PLOD3: variants seen among roughly 807,000 people sequenced by gnomAD.
PLOD3 encodes procollagen-lysine,2-oxoglutarate 5-dioxygenase 3.
PLOD3 carries 73 observed loss-of-function variants against 96.9 expected under a neutral mutation model. The ratio of observed to expected loss-of-function variants is 0.75; its 90% confidence interval spans 0.62 to 0.92. The LOEUF (loss-of-function observed/expected upper bound fraction) is 0.92. Among genes scored for constraint, PLOD3 ranks in the 40% least tolerant of loss-of-function variants. The pLI, the probability that PLOD3 is intolerant of heterozygous loss-of-function variation, is 0.00. For missense variants in PLOD3, 1,004 were observed against 1,004.3 expected (o/e 1.00, Z 0.00); for synonymous variants, 454 against 413.7 (o/e 1.10, Z -1.18).
intron 10 of PLOD3, 98 bp from the exon 11 acceptor site, chr7:101,212,048 T>A: frequency 9.6e-7 from 1 of 1,037,764 alleles, no homozygotes; most frequent in Non-Finnish European, 1.4e-6. Flanking sequence ...GGAGGCAGTG[T>A]CTATCCTTCC....
chr7:101,210,730 C>A, intron 12 of PLOD3, 57 bp from the exon 13 acceptor site: 8 of 1,603,512 alleles, frequency 5.0e-6, no homozygotes, highest in Non-Finnish European at 6.8e-6. Flanking sequence ...TTCTGCCCAG[C>A]TCATCCCGGG....
intron 15 of PLOD3, 97 bp downstream of exon 15, chr7:101,209,996 G>A (rs1291048537): frequency 1.5e-6 from 1 of 645,702 alleles, no homozygotes; most frequent in Non-Finnish European, 2.8e-6. Context: ...TCAGATCTCT[G>A]GGGAACTCAG....
intron 12 of PLOD3, 36 bp from the exon 13 acceptor site, chr7:101,210,709 A>G (rs2116800898): frequency 6.2e-7 from 1 of 1,611,548 alleles, no homozygotes; most frequent in Non-Finnish European, 8.5e-7. Flanking sequence ...CTGGGAGGAC[A>G]GCCCCCCAAA....
chr7:101,216,661 G>A lies in PLOD3; in HGVS notation c.201+34C>T, dbSNP rs145610393. 23 of 1,606,786 alleles carry A rather than the reference G, an allele frequency of 1.4e-5. No individual in the cohort carries two copies. The South Asian group carries it at 2.4e-4, about 17-fold the overall frequency. On this transcript the variant is annotated intron_variant, in intron 2 of 18. Coordinates refer to ENST00000223127, the MANE Select transcript of PLOD3 (RefSeq NM_001084.5). ...AGACTTCAGCCCACCCCTCCTGCTGGGACCCCCTCCCAGGGGCCTTTCCCT... is the reference window on the plus strand; with the variant it reads ...AGACTTCAGCCCACCCCTCCTGCTGAGACCCCCTCCCAGGGGCCTTTCCCT...
At chr7:101,213,889 G>C (rs567556040) in intron 6 of PLOD3, among the ~76,000 whole-genome samples, 1 of 151,984 alleles carries the variant, frequency 6.6e-6, no homozygotes. Context: ...AGTAGAGACA[G>C]GGTTTCACCA....
chr7:101,210,785 C>T (rs1798169781), intron 12 of PLOD3, 112 bp from the exon 13 acceptor site: 1 of 1,150,798 alleles, frequency 8.7e-7, no homozygotes, highest in Admixed American at 1.9e-5. Context: ...AACATAAGGC[C>T]CCTGCATGTC....
chr7:101,216,032 G>A lies in PLOD3; in HGVS notation c.503-12C>T, dbSNP rs777180483. The A allele has an allele frequency of 2.2e-5, 35 of 1,611,542 alleles. No individual in the cohort carries two copies. In the African/African-American group the frequency reaches 4.0e-4, roughly 18 times the overall value. On this transcript the variant is annotated splice_polypyrimidine_tract_variant and intron_variant, in intron 4 of 18. Transcript: ENST00000223127. ...AAAACCGATGAATCCTGGCGGGGAGGGGGAGTGTTGACCTCGAGACTCCCA... is the reference window on the plus strand; with the variant it reads ...AAAACCGATGAATCCTGGCGGGGAGAGGGAGTGTTGACCTCGAGACTCCCA...
chr7:101,207,461 G>T, intron 17 of PLOD3, 117 bp downstream of exon 17: 3 of 1,104,724 alleles, frequency 2.7e-6, no homozygotes, highest in South Asian at 1.4e-5. Flanking sequence ...ATTCCCCTGG[G>T]AACTAAAATG....
Position 101,206,266 on chromosome 7 carries a change from CAG to C in PLOD3, c.*13_*14del. 1 of 1,613,550 alleles carries C rather than the reference CAG, an allele frequency of 6.2e-7. No individual in the cohort carries two copies. The highest frequency in any genetic ancestry group is 8.5e-7 in the Non-Finnish European group (1 of 1,179,822). ...AGGCACAATGGCAGGGCAGGTTTGG[CAG>C]AGTGGTTGAGTGTCAGGGGTCGACA... On this transcript the variant is annotated 3_prime_UTR_variant, in exon 19 of 19. Transcript: ENST00000223127.
intron 6 of PLOD3, 68 bp from the exon 7 acceptor site, chr7:101,213,272 A>C: frequency 6.8e-6 from 7 of 1,031,274 alleles, no homozygotes; most frequent in Non-Finnish European, 1.1e-5. Context: ...ACATTCTTCT[A>C]AATATGGGGT....
At chr7:101,210,263 C>T (rs1473718344) in intron 14 of PLOD3, 68 bp downstream of exon 14, 1 of 1,512,688 alleles carries the variant, frequency 6.6e-7, no homozygotes, top group Non-Finnish European at 9.1e-7. Context: ...CAGCAGCCAT[C>T]ACGTTTGGTG....
At chr7:101,208,985 C>G in intron 15 of PLOD3, 28 bp from the exon 16 acceptor site, 2 of 1,484,362 alleles carry the variant, frequency 1.3e-6, no homozygotes, top group Non-Finnish European at 1.9e-6. Flanking sequence ...GAGAACAGGG[C>G]TAGCTGACGC....
chr7:101,210,842 G>C, intron 12 of PLOD3, 169 bp from the exon 13 acceptor site: 1 of 665,374 alleles, frequency 1.5e-6, no homozygotes, highest in South Asian at 1.9e-5. Context: ...CCCAAAATGC[G>C]GTCAGTTCCT....
At chr7:101,207,979 C>T (rs962568523) in intron 16 of PLOD3, among the ~76,000 whole-genome samples, 1 of 152,204 alleles carries the variant, frequency 6.6e-6, no homozygotes, top group African/African-American at 2.4e-5. Flanking sequence ...TCTATTGCAC[C>T]CAGGCTGCTC....
rs535563110 is a variant in PLOD3 at position 101,211,350 on chromosome 7, T to C, written c.1358+241A>G. The stretch of plus-strand genomic sequence containing the variant: ...ACGCACCACCGTGCCCAGCTAATAT[T>C]TTAAGTTTTTTGTAGAGATAGGCTC... On this transcript the variant is annotated intron_variant, in intron 12 of 18. Coordinates refer to ENST00000223127, the MANE Select transcript of PLOD3 (RefSeq NM_001084.5). 7 of 503,882 alleles carry C rather than the reference T, an allele frequency of 1.4e-5. No homozygotes were observed. The East Asian group carries it at 2.3e-4, about 17-fold the overall frequency. The allele number at this position is 503,882 out of a possible 1,614,324, so 31.2% of individuals were successfully genotyped here. A position where few individuals can be genotyped will look rare whatever the true frequency, so the allele number is the denominator to read the frequency against.
rs1056678 is a variant in PLOD3, at chr7:101,217,355, T to C, written c.-81A>G. ...GGATCCCAGCTCCGGAGGGGAGCTCTGGAAAGGGGGCGCTCGGGCTGCTGT... is the reference window on the plus strand; with the variant it reads ...GGATCCCAGCTCCGGAGGGGAGCTCCGGAAAGGGGGCGCTCGGGCTGCTGT... On this transcript the variant is annotated 5_prime_UTR_variant, in exon 1 of 19. Transcript: ENST00000223127. The C allele has an allele frequency of 0.23, 300,513 of 1,310,312 alleles. 34,814 individuals carry two copies. The highest frequency in any genetic ancestry group is 0.27 in the South Asian group (12,266 of 45,750). 81.2% of individuals were successfully genotyped at this position (1,310,312 alleles called of 1,614,324 possible). A position where few individuals can be genotyped will look rare whatever the true frequency, so the allele number is the denominator to read the frequency against.
chr7:101,212,974 G>A lies in PLOD3; in HGVS notation c.778-31C>T, dbSNP rs770204193. 4.6e-6 allele frequency: 7 copies of A among 1,528,508 alleles called. No individual in the cohort carries two copies. The Middle Eastern group carries it at 5.1e-4, about 111-fold the overall frequency. The allele number at this position is 1,528,508 out of a possible 1,614,324, so 94.7% of individuals were successfully genotyped here. A position where few individuals can be genotyped will look rare whatever the true frequency, so the allele number is the denominator to read the frequency against. The stretch of plus-strand genomic sequence containing the variant: ...GGGGACAGACTGAGGCTGAGTGGCT[G>A]AGGCCTCCAGGGGTGGAGGTGGGGG... On this transcript the variant is annotated intron_variant, in intron 7 of 18. Coordinates refer to ENST00000223127, the MANE Select transcript of PLOD3 (RefSeq NM_001084.5).
chr7:101,206,392 G>A lies in PLOD3; in HGVS notation c.2106C>T (p.Ser702=). ...GCAGGAGTGCCCAGCCCTTCCTCGG[G>A]GAGGAGATCACACAGTCGTAGCGCA... ...RFLRYDCVIS[S]PRKGWALLHP... Residue 702 remains serine, a synonymous_variant, in exon 19 of 19, where the codon TCC becomes TCT. Transcript: ENST00000223127. The A allele has an allele frequency of 1.2e-6, 2 of 1,613,584 alleles. No individual in the cohort carries two copies. The highest frequency in any genetic ancestry group is 1.1e-5 in the South Asian group (1 of 91,076).
intron 5 of PLOD3, 70 bp from the exon 6 acceptor site, chr7:101,215,222 C>T: frequency 1.7e-6 from 2 of 1,161,760 alleles, no homozygotes; most frequent in South Asian, 2.4e-5. Context: ...TCTCACTTTT[C>T]TCTCTCTTTT....
Sources: allele counts gnomAD v4.1 joint callset (sites outside exome capture counted in the v4.1 genomes callset), GRCh38; gene constraint gnomAD v4.1.1; transcripts MANE v1.5; gene names NCBI Gene and HGNC (gene_info 2026-07-23, HGNC 2026-07-21).